NEO1: variants seen among roughly 807,000 people sequenced by gnomAD.
NEO1 encodes neogenin.
Under a neutral mutation model 159.7 loss-of-function variants are expected in NEO1, and 63 were observed. The observed-to-expected ratio is 0.39, with a 90% CI of 0.32 to 0.49. NEO1 has a LOEUF of 0.49. Ranked by LOEUF, NEO1 falls within the 20% of genes least tolerant of loss-of-function variation. The pLI is 0.85. For missense variants in NEO1, 1,615 were observed against 1,831.0 expected, an observed-to-expected ratio of 0.88 and a Z score of 2.15; for synonymous variants, 633 against 662.0, an observed-to-expected ratio of 0.96 and a Z score of 0.67.
chr15:73,200,374 A>C (rs2036796883), intron 7 of NEO1, among the ~76,000 whole-genome samples: 1 of 151,392 alleles, frequency 6.6e-6, no homozygotes, highest in Admixed American at 6.6e-5. Flanking sequence ...TGAGCTTAGG[A>C]GTTTAAGACC....
chr15:73,180,063 T>G (rs2035513845), intron 7 of NEO1, among the ~76,000 whole-genome samples: 1 of 152,182 alleles, frequency 6.6e-6, no homozygotes, highest in Non-Finnish European at 1.5e-5. Flanking sequence ...GGGTGCATTA[T>G]TCATTTGTTT....
chr15:73,156,909 G>A (rs1186756733), intron 5 of NEO1, among the ~76,000 whole-genome samples: 1 of 152,138 alleles, frequency 6.6e-6, no homozygotes, highest in African/African-American at 2.4e-5. Flanking sequence ...CAGGCCCCTG[G>A]TGAAATTCTT....
intron 14 of NEO1, chr15:73,259,155 T>A (rs539734477): frequency 7.5e-6 from 2 of 268,022 alleles, no homozygotes; most frequent in African/African-American, 4.3e-5. Flanking sequence ...AGTAGATGGA[T>A]GATCTAAAAT....
rs184646805 is a variant in NEO1, at chr15:73,130,901, C to T, written c.878+4331C>T. On this transcript the variant is annotated intron_variant, in intron 4 of 28. Coordinates refer to ENST00000261908, the MANE Select transcript of NEO1 (RefSeq NM_002499.4). Reference sequence around the variant, plus strand: ...GGGAACAATAATGAGACAATCCTACCCCTTCTACCCAGGGAGGCATCAGTG... The same window carrying T: ...GGGAACAATAATGAGACAATCCTACTCCTTCTACCCAGGGAGGCATCAGTG... 3.3e-5 allele frequency among the ~76,000 whole-genome samples: 5 copies of T among 152,272 alleles called. No homozygotes were observed. In the East Asian group the frequency reaches 9.6e-4, roughly 29 times the overall value.
At chr15:73,129,953 G>A (rs908097030) in intron 4 of NEO1, among the ~76,000 whole-genome samples, 1 of 152,154 alleles carries the variant, frequency 6.6e-6, no homozygotes, top group African/African-American at 2.4e-5. Flanking sequence ...CTGAGATTGA[G>A]TAGCTAGGGA....
intron 5 of NEO1, among the ~76,000 whole-genome samples, chr15:73,170,502 G>A (rs1032376364): frequency 6.6e-6 from 1 of 152,214 alleles, no homozygotes; most frequent in African/African-American, 2.4e-5. Flanking sequence ...ATAGAGTCAT[G>A]TGAAAAAGGA....
chr15:73,223,087 G>GT (rs989422204), intron 7 of NEO1, among the ~76,000 whole-genome samples: 3 of 152,148 alleles, frequency 2.0e-5, no homozygotes, highest in African/African-American at 7.2e-5. Flanking sequence ...TAATTTCCAT[G>GT]TATTTGCATG....
intron 7 of NEO1, among the ~76,000 whole-genome samples, chr15:73,230,748 G>A (rs1422422085): frequency 6.6e-6 from 1 of 151,992 alleles, no homozygotes; most frequent in Non-Finnish European, 1.5e-5. Flanking sequence ...ACACCAGCAT[G>A]CCTGGATAAT....
intron 1 of NEO1, among the ~76,000 whole-genome samples, chr15:73,102,379 T>C (rs1353101171): frequency 6.6e-6 from 1 of 151,964 alleles, no homozygotes; most frequent in East Asian, 1.9e-4. Flanking sequence ...AAAAAAAATT[T>C]AATAAGGTTT....
At position 73,283,056 on chromosome 15, in the gene NEO1, G is replaced by A. The variant is rs1278188763; in HGVS notation, c.3355G>A (p.Val1119Met). The A allele has an allele frequency of 1.2e-6, 2 of 1,614,190 alleles. No individual in the cohort carries two copies. Among genetic ancestry groups the A allele is most frequent in the Admixed American group, 1.7e-5 (1 of 60,024 alleles). ...IVSVGVITIV[V>M]VVIIAVFCTR... ...TTCTGTTGGCGTCATCACCATCGTG[G>A]TGGTTGTGATTATCGCTGTCTTTTG... is the stretch of plus-strand genomic sequence containing the variant. The change falls in exon 23 of 29, where the codon GTG (valine) becomes ATG (methionine). Residue 1119 changes from valine to methionine, a missense_variant. Physicochemically the swap from Val to Met is conservative, Grantham distance 21. Transcript: ENST00000261908.
chr15:73,274,076 G>A, intron 20 of NEO1, 71 bp downstream of exon 20: 1 of 1,390,190 alleles, frequency 7.2e-7, no homozygotes, highest in Non-Finnish European at 1.0e-6. Flanking sequence ...TATCACTTGA[G>A]CATATAGAGT....
chr15:73,058,818 T>C (rs950264838), intron 1 of NEO1, among the ~76,000 whole-genome samples: 7 of 152,210 alleles, frequency 4.6e-5, no homozygotes, highest in Non-Finnish European at 1.0e-4. Flanking sequence ...TCTCTTACTC[T>C]GAAGTCCATA....
chr15:73,156,360 G>T (rs938393916), intron 5 of NEO1, among the ~76,000 whole-genome samples: 1 of 152,192 alleles, frequency 6.6e-6, no homozygotes, highest in East Asian at 1.9e-4. Context: ...GGCTAAGTAT[G>T]TCTATCATTG....
chr15:73,145,617 T>G (rs1317153270), intron 5 of NEO1, among the ~76,000 whole-genome samples: 1 of 152,146 alleles, frequency 6.6e-6, no homozygotes, highest in Non-Finnish European at 1.5e-5. Context: ...GTTTTAGAAG[T>G]TTGTTAAATG....
rs1304410406 is a variant in NEO1, at chr15:73,237,376, C to T, written c.1451+870C>T. Among the ~76,000 whole-genome samples, 4 of 152,174 alleles carry T rather than the reference C, an allele frequency of 2.6e-5. No individual in the cohort carries two copies. The East Asian group carries it at 7.7e-4, about 29-fold the overall frequency. On this transcript the variant is annotated intron_variant, in intron 8 of 28. Coordinates refer to ENST00000261908, the MANE Select transcript of NEO1 (RefSeq NM_002499.4). ...ATGTTCTATGTATTTGTGCTGTTTT[C>T]CCAACCAGATTATAAACTCTTTGGA...
intron 15 of NEO1, among the ~76,000 whole-genome samples, chr15:73,261,697 G>A (rs1195706041): frequency 6.6e-6 from 1 of 152,152 alleles, no homozygotes; most frequent in African/African-American, 2.4e-5. Flanking sequence ...ATGTTCACTG[G>A]TTGGAAGCCG....
At chr15:73,076,541 T>G (rs1388482963) in intron 1 of NEO1, among the ~76,000 whole-genome samples, 1 of 152,194 alleles carries the variant, frequency 6.6e-6, no homozygotes. Flanking sequence ...TAGAAGGTAC[T>G]GACAGTAAGC....
intron 16 of NEO1, 52 bp downstream of exon 16, chr15:73,266,463 C>T (rs765635229): frequency 6.3e-6 from 9 of 1,422,312 alleles, no homozygotes; most frequent in Non-Finnish European, 8.8e-6. Flanking sequence ...GCAGCTTAGG[C>T]AGAATATTGG....
At chr15:73,128,506 A>G (rs1389657470) in intron 4 of NEO1, among the ~76,000 whole-genome samples, 1 of 152,202 alleles carries the variant, frequency 6.6e-6, no homozygotes, top group Non-Finnish European at 1.5e-5. Context: ...TACTCAACAA[A>G]TATTTACCAA....
Sources: gnomAD v4.1 joint callset for allele counts (sites outside exome capture counted in the v4.1 genomes callset) on GRCh38, gnomAD v4.1.1 for gene constraint, MANE v1.5 for transcripts, NCBI Gene and HGNC (gene_info 2026-07-23, HGNC 2026-07-21) for gene names.